USP15: variants seen among roughly 807,000 people sequenced by gnomAD.
USP15 encodes ubiquitin specific peptidase 15.
A neutral mutation model predicts 127.1 loss-of-function variants in USP15; 18 were observed. The observed-to-expected ratio is 0.14, with a 90% CI of 0.10 to 0.21. USP15 has a LOEUF of 0.21. Among genes scored for constraint, USP15 ranks in the 10% least tolerant of loss-of-function variants. USP15 has a pLI of 1.00. For missense variants in USP15, 805 were observed against 1,159.9 expected, an observed-to-expected ratio of 0.69 and a Z score of 4.44; for synonymous variants, 364 against 393.7, an observed-to-expected ratio of 0.92 and a Z score of 0.89.
intron 6 of USP15, 43 bp from the exon 7 acceptor site, chr12:62,349,178 T>C: frequency 8.6e-7 from 1 of 1,166,636 alleles, no homozygotes; most frequent in Non-Finnish European, 1.2e-6. Flanking sequence ...ATTTAAAAAT[T>C]CTTCATTTTT....
At chr12:62,390,016 A>T in intron 14 of USP15, 28 bp downstream of exon 14, 1 of 1,530,880 alleles carries the variant, frequency 6.5e-7, no homozygotes, top group Non-Finnish European at 8.8e-7. Flanking sequence ...CTACATTGAC[A>T]AAATAAATAT....
chr12:62,298,114 A>G lies in USP15; in HGVS notation c.217+3808A>G, dbSNP rs1479955585. ...TTATCTAATCAGAGGATTAAAAATAATAAAAAAGCATAAAGGAAGTCCAAG... is the reference window on the plus strand; with the variant it reads ...TTATCTAATCAGAGGATTAAAAATAGTAAAAAAGCATAAAGGAAGTCCAAG... On this transcript the variant is annotated intron_variant, in intron 2 of 21. Coordinates refer to ENST00000280377, the MANE Select transcript of USP15 (RefSeq NM_001252078.2). 2.6e-5 allele frequency among the ~76,000 whole-genome samples: 4 copies of G among 152,340 alleles called. No homozygotes were observed. The East Asian group carries it at 7.7e-4, about 29-fold the overall frequency.
intron 7 of USP15, among the ~76,000 whole-genome samples, chr12:62,352,815 G>T (rs1452674152): frequency 1.7e-5 from 2 of 117,222 alleles, no homozygotes; most frequent in Non-Finnish European, 3.6e-5. Context: ...TTATGGAAAG[G>T]TAAGGTTCAA....
At position 62,404,425 on chromosome 12, in the gene USP15, A is replaced by T; in HGVS notation, c.*50A>T. The T allele has an allele frequency of 1.4e-6, 2 of 1,474,950 alleles. No individual in the cohort carries two copies. Among genetic ancestry groups the T allele is most frequent in the Non-Finnish European group, 1.8e-6 (2 of 1,109,164 alleles). 91.4% of individuals were successfully genotyped at this position (1,474,950 alleles called of 1,614,324 possible). A position where few individuals can be genotyped will look rare whatever the true frequency, so the allele number is the denominator to read the frequency against. ...AGACACTTTCCTGCTGGTGGTATCT[A>T]TGGAAATGATGAAGTTACCCACCAC... is the stretch of plus-strand genomic sequence containing the variant. On this transcript the variant is annotated 3_prime_UTR_variant, in exon 22 of 22. Coordinates refer to ENST00000280377, the MANE Select transcript of USP15 (RefSeq NM_001252078.2).
intron 6 of USP15, among the ~76,000 whole-genome samples, chr12:62,344,689 G>A (rs1434144462): frequency 6.6e-6 from 1 of 152,188 alleles, no homozygotes; most frequent in African/African-American, 2.4e-5. Flanking sequence ...CGCCCCTACA[G>A]CAACTTCTGC....
At chr12:62,331,853 A>G (rs766624162) in intron 6 of USP15, among the ~76,000 whole-genome samples, 16 of 152,178 alleles carry the variant, frequency 1.1e-4, no homozygotes, top group Non-Finnish European at 1.9e-4. Context: ...CTAAGAACCT[A>G]CCCAAAAAAT....
At chr12:62,285,451 C>A (rs905189425) in intron 1 of USP15, among the ~76,000 whole-genome samples, 1 of 151,992 alleles carries the variant, frequency 6.6e-6, no homozygotes, top group Non-Finnish European at 1.5e-5. Context: ...AAGTAGTATT[C>A]CATGGTGTTT....
chr12:62,394,242 G>C (rs1489317401), intron 19 of USP15, among the ~76,000 whole-genome samples: 1 of 152,062 alleles, frequency 6.6e-6, no homozygotes, highest in Non-Finnish European at 1.5e-5. Flanking sequence ...ACAAGTACTT[G>C]GTACTATCCC....
intron 3 of USP15, among the ~76,000 whole-genome samples, chr12:62,312,939 G>A (rs2064726121): frequency 6.6e-6 from 1 of 151,328 alleles, no homozygotes; most frequent in South Asian, 2.1e-4. Context: ...TCTTTTTATG[G>A]TGCTGTTATT....
chr12:62,327,652 C>G (rs1370179342), intron 6 of USP15: 1 of 437,088 alleles, frequency 2.3e-6, no homozygotes, highest in Non-Finnish European at 4.5e-6. Context: ...TTCTTTTATT[C>G]CCTAATAGCA....
chr12:62,346,321 T>C (rs2065816775), intron 6 of USP15, among the ~76,000 whole-genome samples: 1 of 152,250 alleles, frequency 6.6e-6, no homozygotes, highest in African/African-American at 2.4e-5. Flanking sequence ...ATGTGAAGTA[T>C]AGGTTAGTGC....
chr12:62,396,303 A>G lies in USP15; in HGVS notation c.2579A>G (p.Asp860Gly). 1.9e-6 allele frequency: 3 copies of G among 1,579,128 alleles called. No individual in the cohort carries two copies. Among genetic ancestry groups the G allele is most frequent in the Non-Finnish European group, 2.6e-6 (3 of 1,166,772 alleles). Residue 860 changes from aspartate to glycine, a missense_variant, in exon 20 of 22, where the codon GAT (aspartate) becomes GGT (glycine). Physicochemically the swap from Asp to Gly is moderately conservative, Grantham distance 94 (BLOSUM62 -1). Around this residue, in one of 11 missense-constraint regions of USP15, gnomAD observed 116 missense variants for 157.2 expected, o/e 0.74. Transcript: ENST00000280377. ...TLVDFPINDL[D>G]MSEFLINPNA... ...GTTTCTTTTTTAAACAGTGACTTGG[A>G]TATGTCGGAATTCTTAATTAATCCA... is the stretch of plus-strand genomic sequence containing the variant.
At chr12:62,294,152 C>T in intron 1 of USP15, 27 bp from the exon 2 acceptor site, 1 of 1,606,962 alleles carries the variant, frequency 6.2e-7, no homozygotes, top group Non-Finnish European at 8.5e-7. Flanking sequence ...CAGGTATTTT[C>T]CTTAACCAAT....
At chr12:62,397,130 C>T (rs2067517677) in intron 20 of USP15, among the ~76,000 whole-genome samples, 1 of 152,172 alleles carries the variant, frequency 6.6e-6, no homozygotes, top group African/African-American at 2.4e-5. Context: ...TATTTTTAGA[C>T]ACACAGTTGG....
At chr12:62,371,214 CT>C (rs1415204390) in intron 8 of USP15, among the ~76,000 whole-genome samples, 1 of 152,168 alleles carries the variant, frequency 6.6e-6, no homozygotes, top group Admixed American at 6.5e-5. Context: ...GCCAAAACTA[CT>C]TTCAATTCTT....
intron 1 of USP15, among the ~76,000 whole-genome samples, chr12:62,265,745 C>T (rs1482325134): frequency 6.6e-6 from 1 of 152,126 alleles, no homozygotes; most frequent in African/African-American, 2.4e-5. Flanking sequence ...CGGGATCTTA[C>T]TGTGTTGCCT....
At chr12:62,356,280 T>C (rs1453261751) in intron 8 of USP15, among the ~76,000 whole-genome samples, 1 of 151,932 alleles carries the variant, frequency 6.6e-6, no homozygotes, top group Non-Finnish European at 1.5e-5. Context: ...CTTATTTTTT[T>C]GTTGAATCTC....
chr12:62,330,268 T>C (rs1268986762), intron 6 of USP15, among the ~76,000 whole-genome samples: 1 of 151,954 alleles, frequency 6.6e-6, no homozygotes, highest in Non-Finnish European at 1.5e-5. Context: ...ACAGATTCTT[T>C]TTTCTGGATG....
intron 19 of USP15, chr12:62,393,538 ACTTCATCATTACT>A (rs796258805): frequency 1.1e-5 from 2 of 174,214 alleles, no homozygotes; most frequent in African/African-American, 4.7e-5. Context: ...CCTAGGAATT[ACTTCATCATTACT>A]CATCACTTAC....
Sources: allele counts gnomAD v4.1 joint callset (sites outside exome capture counted in the v4.1 genomes callset), GRCh38; gene constraint gnomAD v4.1.1; regional missense constraint gnomAD v4.1.1; transcripts MANE v1.5; gene names NCBI Gene and HGNC (gene_info 2026-07-23, HGNC 2026-07-21).